PHKA2: variants seen among roughly 807,000 people sequenced by gnomAD.
The protein encoded by PHKA2 is phosphorylase kinase regulatory subunit alpha 2, also known as phosphorylase b kinase regulatory subunit alpha, liver isoform.
Under a neutral mutation model 102.0 loss-of-function variants are expected in PHKA2, and 31 were observed. That is an observed-to-expected ratio of 0.30 (90% confidence interval 0.23 to 0.41). The LOEUF is 0.41. Ranked by LOEUF, PHKA2 falls within the 10% of genes least tolerant of loss-of-function variation. PHKA2 has a pLI of 1.00. For missense variants in PHKA2, 858 were observed against 1,023.1 expected (o/e 0.84, Z 2.20); for synonymous variants, 455 against 416.2 (o/e 1.09, Z -1.13).
At position 18,908,033 on chromosome X, in the gene PHKA2, A is replaced by C. The variant is rs748751465; in HGVS notation, c.2384T>G (p.Leu795Arg). ...VIKGPSWDTNLSGQHGVTVQN... is the reference protein window; with the variant it reads ...VIKGPSWDTNRSGQHGVTVQN... ...AACGGTGACCCCGTGCTGTCCAGAGAGATTTGTGTCCCAGCTGGGACCCCT... is the reference window on the plus strand; with the variant it reads ...AACGGTGACCCCGTGCTGTCCAGAGCGATTTGTGTCCCAGCTGGGACCCCT... The change falls in exon 22 of 33, where the codon CTC (leucine) becomes CGC (arginine). Residue 795 changes from leucine (L) to arginine (R), a missense_variant. Physicochemically the swap from Leu to Arg is moderately radical, Grantham distance 102. Around this residue, in one of 2 missense-constraint regions of PHKA2, gnomAD observed 671 missense variants for 745.2 expected, o/e 0.90. Transcript: ENST00000379942. The C allele has an allele frequency of 8.3e-7, 1 of 1,211,372 alleles. No homozygotes were observed. Among genetic ancestry groups the C allele is most frequent in the South Asian group, 1.8e-5 (1 of 56,979 alleles).
intron 3 of PHKA2, among the ~76,000 whole-genome samples, 162 bp downstream of exon 3, chrX:18,952,329 CAAA>C (rs1198542984): frequency 8.5e-5 from 3 of 35,332 alleles, no homozygotes; most frequent in African/African-American, 1.5e-4. Context: ...GACCCTGTCT[CAAA>C]AAAAAAAAAA....
Position 18,932,489 on chromosome X carries a change from C to T in PHKA2, c.1138-741G>A, listed in dbSNP as rs759049741. 2.8e-4 allele frequency among the ~76,000 whole-genome samples: 31 copies of T among 110,292 alleles called. No homozygotes were observed. The Admixed American group carries it at 2.8e-3, about 10-fold the overall frequency. On this transcript the variant is annotated intron_variant, in intron 11 of 32. Coordinates refer to ENST00000379942, the MANE Select transcript of PHKA2 (RefSeq NM_000292.3). ...AAGGAAATAGGAAACATCCTTCTCC[C>T]AAGGGGAACATCACACCATGAGGAG...
At position 18,907,044 on chromosome X, in the gene PHKA2, G is replaced by A. The variant is rs753002856; in HGVS notation, c.2571C>T (p.Pro857=). 1.7e-5 allele frequency: 20 copies of A among 1,195,086 alleles called. No individual in the cohort carries two copies. The Admixed American group carries it at 1.8e-4, about 11-fold the overall frequency. Residue 857 remains proline (P), a synonymous_variant, in exon 23 of 33, where the codon CCC becomes CCT. Coordinates refer to ENST00000379942, the MANE Select transcript of PHKA2 (RefSeq NM_000292.3). ...CAGAGATGATCTTCTCCCGGGGCTC[G>A]GGCGGCAGGCCCACGGTGAGCTGCT... The part of the protein sequence containing the change: ...HQKQLTVGLP[P]EPREKIISAP...
At chrX:18,920,361 C>T (rs2048095584) in intron 17 of PHKA2, among the ~76,000 whole-genome samples, 160 bp from the exon 18 acceptor site, 1 of 111,775 alleles carries the variant, frequency 8.9e-6, no homozygotes, top group Admixed American at 9.5e-5. Flanking sequence ...CCAAGACATT[C>T]AAACAAAAAT....
At chrX:18,929,352 A>T in intron 12 of PHKA2, 46 bp from the exon 13 acceptor site, 2 of 850,548 alleles carry the variant, frequency 2.4e-6, no homozygotes, top group Non-Finnish European at 3.4e-6. Context: ...GATTAACTAA[A>T]ATTTCATCTT....
chrX:18,924,538 G>A lies in PHKA2; in HGVS notation c.1570-13C>T. The A allele has an allele frequency of 8.3e-7, 1 of 1,209,485 alleles. No individual in the cohort carries two copies. The highest frequency in any genetic ancestry group is 1.1e-6 in the Non-Finnish European group (1 of 893,597). ...GCTGGTCGGTGAACTGAAAGTCAGA[G>A]GAGGCTGGGTAAACGGCCACCCTTT... On this transcript the variant is annotated splice_polypyrimidine_tract_variant and intron_variant, in intron 15 of 32. Coordinates refer to ENST00000379942, the MANE Select transcript of PHKA2 (RefSeq NM_000292.3).
chrX:18,904,690 C>T (rs1161388962), intron 26 of PHKA2, among the ~76,000 whole-genome samples: 2 of 112,130 alleles, frequency 1.8e-5, no homozygotes, highest in Admixed American at 9.5e-5. Flanking sequence ...CAAAACACAT[C>T]TGACTGCACG....
At chrX:18,964,729 T>C (rs1354099061) in intron 1 of PHKA2, among the ~76,000 whole-genome samples, 2 of 112,486 alleles carry the variant, frequency 1.8e-5, no homozygotes, top group African/African-American at 3.2e-5. Context: ...TTTAAAATGA[T>C]TGCATCTACA....
At chrX:18,975,967 CTTTT>C (rs200764030) in intron 1 of PHKA2, among the ~76,000 whole-genome samples, 1 of 62,984 alleles carries the variant, frequency 1.6e-5, no homozygotes, top group African/African-American at 6.9e-5. Context: ...AAGTCAAATT[CTTTT>C]TTTTTTTTTT....
intron 8 of PHKA2, 77 bp downstream of exon 8, chrX:18,941,452 T>A (rs1175910890): frequency 3.3e-6 from 3 of 903,457 alleles, no homozygotes; most frequent in Non-Finnish European, 3.2e-6. Context: ...ATTAACCTCA[T>A]GGGGAACTGA....
intron 25 of PHKA2, among the ~76,000 whole-genome samples, 196 bp from the exon 26 acceptor site, chrX:18,906,055 G>GT (rs1211681536): frequency 8.9e-6 from 1 of 111,858 alleles, no homozygotes; most frequent in East Asian, 2.8e-4. Context: ...TTTAAATCAT[G>GT]TATCTGCTTA....
intron 1 of PHKA2, among the ~76,000 whole-genome samples, chrX:18,982,450 G>A (rs1302573213): frequency 8.9e-6 from 1 of 112,188 alleles, no homozygotes; most frequent in Admixed American, 9.4e-5. Flanking sequence ...AGTTATTATG[G>A]TATATATAGT....
At chrX:18,948,341 G>A (rs962524761) in intron 5 of PHKA2, among the ~76,000 whole-genome samples, 1 of 110,430 alleles carries the variant, frequency 9.1e-6, no homozygotes, top group African/African-American at 3.3e-5. Context: ...GGGAGTGGTG[G>A]CAGGCACCTG....
chrX:18,895,510 T>A, intron 30 of PHKA2: 1 of 295,463 alleles, frequency 3.4e-6, no homozygotes, highest in Non-Finnish European at 6.0e-6. Flanking sequence ...GCGAGGCCCC[T>A]TTGGTGCCAT....
In PHKA2 at chrX:18,962,287, A is replaced by C. The variant is rs146520744; in HGVS notation, c.79-7875T>G. Among the ~76,000 whole-genome samples the C allele has an allele frequency of 6.1e-3, 681 of 111,700 alleles. 5 individuals are homozygous for C. The highest frequency in any genetic ancestry group is 6.1e-3 in the Non-Finnish European group (326 of 53,172). On this transcript the variant is annotated intron_variant, in intron 1 of 32. Transcript: ENST00000379942. ...GGTGCGTGCATGGGCATGGAGGGGC[A>C]GGTAAGGACTGCAAAATGGATGCTG...
At chrX:18,926,211 G>A (rs2048206752) in intron 14 of PHKA2, among the ~76,000 whole-genome samples, 1 of 112,445 alleles carries the variant, frequency 8.9e-6, no homozygotes, top group Non-Finnish European at 1.9e-5. Flanking sequence ...AATTTTTCAA[G>A]GTGGCTCCTT....
intron 1 of PHKA2, among the ~76,000 whole-genome samples, chrX:18,963,656 T>C (rs1410312238): frequency 8.9e-6 from 1 of 112,146 alleles, no homozygotes; most frequent in African/African-American, 3.2e-5. Context: ...TGAATGCTTA[T>C]ATGGCCATGA....
intron 20 of PHKA2, among the ~76,000 whole-genome samples, chrX:18,909,484 A>ATGC (rs1273310681): frequency 9.0e-6 from 1 of 111,504 alleles, no homozygotes; most frequent in African/African-American, 3.3e-5. Context: ...GGAGGGGTAC[A>ATGC]CTCCTAGGGC....
chrX:18,926,008 A>C (rs2048204510), intron 14 of PHKA2, among the ~76,000 whole-genome samples: 1 of 112,067 alleles, frequency 8.9e-6, no homozygotes, highest in Non-Finnish European at 1.9e-5. Flanking sequence ...ACTGCATGGA[A>C]TAAAACTACT....
Sources: allele counts gnomAD v4.1 joint callset (sites outside exome capture counted in the v4.1 genomes callset), GRCh38; gene constraint gnomAD v4.1.1; regional missense constraint gnomAD v4.1.1; transcripts MANE v1.5; gene names NCBI Gene and HGNC (gene_info 2026-07-23, HGNC 2026-07-21).